SCN9A: variants seen among roughly 807,000 people sequenced by gnomAD.
SCN9A encodes sodium voltage-gated channel alpha subunit 9.
A neutral mutation model predicts 187.0 loss-of-function variants in SCN9A; 131 were observed. The observed-to-expected ratio is 0.70, with a 90% CI of 0.61 to 0.81. The LOEUF (loss-of-function observed/expected upper bound fraction) is 0.81. Among genes scored for constraint, SCN9A ranks in the 30% least tolerant of loss-of-function variants. The pLI is 0.00. For synonymous variants in SCN9A, 809 were observed against 808.6 expected (o/e 1.00, Z -0.01); for missense variants, 2,252 against 2,396.6 (o/e 0.94, Z 1.26).
chr2:166,286,630 G>A lies in SCN9A; in HGVS notation c.1315-7C>T, dbSNP rs1697760810. ...CCGCTGCCGCTGCAATTGCCTGGTT[G>A]GGCCAAGACGTTAACACTTAAATGA... On this transcript the variant is annotated splice_region_variant and splice_polypyrimidine_tract_variant and intron_variant, in intron 10 of 26. Coordinates refer to ENST00000642356, the MANE Select transcript of SCN9A (RefSeq NM_001365536.1). The A allele has an allele frequency of 6.6e-7, 1 of 1,519,260 alleles. No homozygotes were observed. Among genetic ancestry groups the A allele is most frequent in the Non-Finnish European group, 8.8e-7 (1 of 1,139,412 alleles). The allele number at this position is 1,519,260 out of a possible 1,614,324, so 94.1% of individuals were successfully genotyped here.
Position 166,226,587 on chromosome 2 carries a change from A to G in SCN9A, c.4378T>C (p.Phe1460Leu). The G allele has an allele frequency of 6.4e-7, 1 of 1,561,922 alleles. No homozygotes were observed. Among genetic ancestry groups the G allele is most frequent in the Non-Finnish European group, 8.7e-7 (1 of 1,150,854 alleles). ...NLFIGVIIDN[F>L]NQQKKKLGGQ... The stretch of plus-strand genomic sequence containing the variant: ...CTTATCTTCTTTTTCTGTTGGTTGA[A>G]ATTATCTATGATGACACCAATGAAC... Residue 1460 changes from phenylalanine (F) to leucine (L), a missense_variant, in exon 24 of 27, where the codon TTC becomes CTC. By Grantham distance (22) the Phe-to-Leu change is conservative. Around this residue, in one of 7 missense-constraint regions of SCN9A, gnomAD observed 368 missense variants for 408.6 expected, o/e 0.90. Transcript: ENST00000642356.
chr2:166,231,099 G>A (rs994232518), intron 21 of SCN9A, among the ~76,000 whole-genome samples: 5 of 152,154 alleles, frequency 3.3e-5, no homozygotes, highest in African/African-American at 1.2e-4. Context: ...CAATTCACCT[G>A]TAATACAGAT....
intron 10 of SCN9A, among the ~76,000 whole-genome samples, chr2:166,287,123 A>T (rs894785326): frequency 1.2e-4 from 19 of 152,136 alleles, no homozygotes; most frequent in Non-Finnish European, 2.2e-4. Context: ...AACTTCTGGG[A>T]ATTCCCTAGG....
At position 166,228,614 on chromosome 2, in the gene SCN9A, T is replaced by G. The variant is rs10199799; in HGVS notation, c.4206+77A>C. ...TTTTATCTTCAATTTATAATTAATA[T>G]ACTATTTAAAGAATAACTTATATCC... On this transcript the variant is annotated intron_variant, in intron 22 of 26. Coordinates refer to ENST00000642356, the MANE Select transcript of SCN9A (RefSeq NM_001365536.1). 0.88 allele frequency: 1,109,132 copies of G among 1,263,432 alleles called. 487,154 individuals are homozygous for G. The highest frequency in any genetic ancestry group is 0.95 in the East Asian group (40,832 of 42,988). 78.3% of individuals were successfully genotyped at this position (1,263,432 alleles called of 1,614,324 possible).
chr2:166,373,982 C>T (rs1445879970), intron 1 of SCN9A, among the ~76,000 whole-genome samples: 3 of 152,148 alleles, frequency 2.0e-5, no homozygotes, highest in African/African-American at 7.2e-5. Flanking sequence ...ACTGATTGCT[C>T]TTCTGAATTT....
At chr2:166,357,872 A>G (rs773782386) in intron 1 of SCN9A, among the ~76,000 whole-genome samples, 10 of 152,050 alleles carry the variant, frequency 6.6e-5, no homozygotes, top group Non-Finnish European at 1.5e-4. Context: ...ACCTTTTGAA[A>G]CTACCAAGGA....
In SCN9A at chr2:166,294,616, A is replaced by G; in HGVS notation, c.948T>C (p.Gly316=). ...TTACATACCCTGAATCTGTGCTGAA[A>G]CCACAAAGGAGAGCATCTTTGGATC... ...LEGSKDALLC[G]FSTDSGQCPE... is the part of the protein sequence containing the mutation. Residue 316 remains glycine (G), a synonymous_variant, in exon 8 of 27, where the codon GGT becomes GGC. Transcript: ENST00000642356. The G allele has an allele frequency of 4.3e-6, 7 of 1,611,080 alleles. No homozygotes were observed. The highest frequency in any genetic ancestry group is 5.9e-6 in the Non-Finnish European group (7 of 1,178,120).
At chr2:166,371,594 T>G (rs879401349) in intron 1 of SCN9A, among the ~76,000 whole-genome samples, 4 of 152,224 alleles carry the variant, frequency 2.6e-5, no homozygotes, top group Admixed American at 1.3e-4. Flanking sequence ...TCTACCCACA[T>G]TCTCTGGATG....
Position 166,354,933 on chromosome 2 carries a change from C to T in SCN9A, c.-51+20764G>A, listed in dbSNP as rs572946713. Among the ~76,000 whole-genome samples, 312 of 151,730 alleles carry T rather than the reference C, an allele frequency of 2.1e-3. 1 individual carries two copies. The highest frequency in any genetic ancestry group is 3.8e-3 in the Non-Finnish European group (256 of 67,928). ...AAAAATAAATGAAATTAACCTATTCCAAGAAAATTACTGATTTTTTTTTTT... is the reference window on the plus strand; with the variant it reads ...AAAAATAAATGAAATTAACCTATTCTAAGAAAATTACTGATTTTTTTTTTT... On this transcript the variant is annotated intron_variant, in intron 1 of 26. Coordinates refer to ENST00000642356, the MANE Select transcript of SCN9A (RefSeq NM_001365536.1).
At chr2:166,320,931 G>C (rs994234961) in intron 1 of SCN9A, among the ~76,000 whole-genome samples, 2 of 152,110 alleles carry the variant, frequency 1.3e-5, no homozygotes, top group African/African-American at 4.8e-5. Flanking sequence ...AAAAAATACA[G>C]ATGCCAGGGC....
chr2:166,226,470 A>T, intron 24 of SCN9A, 97 bp downstream of exon 24: 1 of 812,152 alleles, frequency 1.2e-6, no homozygotes, highest in East Asian at 2.9e-5. Context: ...TAATAAAATT[A>T]ATCATGAATT....
intron 1 of SCN9A, among the ~76,000 whole-genome samples, chr2:166,358,679 A>G (rs1280650305): frequency 6.6e-6 from 1 of 152,116 alleles, no homozygotes; most frequent in African/African-American, 2.4e-5. Flanking sequence ...GAATTCACCA[A>G]TCCTTTCTCC....
intron 7 of SCN9A, among the ~76,000 whole-genome samples, chr2:166,299,045 G>A (rs571402955): frequency 1.6e-4 from 24 of 152,072 alleles, no homozygotes; most frequent in Non-Finnish European, 2.9e-4. Flanking sequence ...TGATAACTCT[G>A]CAGTCTTCTC....
chr2:166,341,847 A>G (rs1251937082), intron 1 of SCN9A, among the ~76,000 whole-genome samples: 1 of 152,226 alleles, frequency 6.6e-6, no homozygotes, highest in Non-Finnish European at 1.5e-5. Flanking sequence ...AAGCCAAGCC[A>G]TATTCATTTC....
chr2:166,277,906 T>A (rs1317332494), intron 15 of SCN9A: 1 of 383,172 alleles, frequency 2.6e-6, no homozygotes, highest in Non-Finnish European at 4.5e-6. Flanking sequence ...AATATTTATA[T>A]TATATTAGCG....
intron 19 of SCN9A, 42 bp from the exon 20 acceptor site, chr2:166,238,309 G>A (rs556670948): frequency 4.8e-6 from 6 of 1,260,588 alleles, no homozygotes; most frequent in East Asian, 2.5e-5. Flanking sequence ...CACAACTTAA[G>A]CTTCATGATT....
intron 17 of SCN9A, among the ~76,000 whole-genome samples, chr2:166,252,312 A>G (rs975464805): frequency 1.3e-5 from 2 of 152,002 alleles, no homozygotes; most frequent in Admixed American, 1.3e-4. Context: ...ATGCCTGATC[A>G]TTGAAAGCTC....
chr2:166,218,650 T>C (rs1694445526), intron 24 of SCN9A, among the ~76,000 whole-genome samples: 1 of 152,088 alleles, frequency 6.6e-6, no homozygotes, highest in African/African-American at 2.4e-5. Context: ...ATTCAGGACA[T>C]AGGCATGGGC....
intron 24 of SCN9A, among the ~76,000 whole-genome samples, chr2:166,215,909 T>G (rs74958673): frequency 6.6e-6 from 1 of 152,042 alleles, no homozygotes; most frequent in Non-Finnish European, 1.5e-5. Context: ...TATACTGATA[T>G]GAAAACCCTA....
Sources: gnomAD v4.1 joint callset for allele counts (sites outside exome capture counted in the v4.1 genomes callset) on GRCh38, gnomAD v4.1.1 for gene constraint, gnomAD v4.1.1 regional missense constraint, MANE v1.5 for transcripts, NCBI Gene and HGNC (gene_info 2026-07-23, HGNC 2026-07-21) for gene names.